Variants in TENM2 observed in about 807,000 individuals in gnomAD.
TENM2 encodes teneurin-2.
TENM2 carries 52 observed loss-of-function variants against 245.2 expected under a neutral mutation model. The observed-to-expected ratio is 0.21, with a 90% confidence interval of 0.17 to 0.27. TENM2 has a LOEUF of 0.27. TENM2 is among the 10% of genes least tolerant of loss of function. The pLI, the probability that TENM2 is intolerant of heterozygous loss-of-function variation, is 1.00. For missense variants in TENM2, 3,046 were observed against 3,666.8 expected (o/e 0.83, Z 4.37); for synonymous variants, 1,363 against 1,438.9 (o/e 0.95, Z 1.19).
At chr5:168,226,203 G>T in exon 24 of TENM2, 3 of 1,613,576 alleles carry the variant, frequency 1.9e-6, no homozygotes, top group Non-Finnish European at 2.5e-6. Context: ...CAACCGTGAT[G>T]ATGACGTCAC....
intron 2 of TENM2, among the ~76,000 whole-genome samples, chr5:167,634,960 T>G (rs186850724): frequency 6.6e-6 from 1 of 152,248 alleles, no homozygotes; most frequent in East Asian, 1.9e-4. Flanking sequence ...ATGGTTAAGT[T>G]TTTGGTAGAT....
rs557581313 is a variant in TENM2 at position 168,068,586 on chromosome 5, A to G, written c.1515+6321A>G. Among the ~76,000 whole-genome samples, 7 of 152,124 alleles carry G rather than the reference A, an allele frequency of 4.6e-5. No homozygotes were observed. In the South Asian group the frequency reaches 1.5e-3, roughly 32 times the overall value. ...TATGTGTGGATATATATCCAGAGGGAGAGAGAGAGACTAAACCCATGAGAG... is the reference window on the plus strand; with the variant it reads ...TATGTGTGGATATATATCCAGAGGGGGAGAGAGAGACTAAACCCATGAGAG... On this transcript the variant is annotated intron_variant, in intron 7 of 28. Transcript: ENST00000518659.
intron 2 of TENM2, among the ~76,000 whole-genome samples, chr5:167,416,218 T>A (rs1040452428): frequency 2.0e-5 from 3 of 152,192 alleles, no homozygotes; most frequent in African/African-American, 7.2e-5. Context: ...GATGCCTTTA[T>A]TGTAACAGTG....
At chr5:167,182,027 A>T in the TENM2 span, among the ~76,000 whole-genome samples, 1 of 152,208 alleles carries the variant, frequency 6.6e-6, no homozygotes, top group South Asian at 2.1e-4. Flanking sequence ...TGAAAGTTAA[A>T]TTAGGAAAGA....
chr5:167,078,277 A>G, the TENM2 span, among the ~76,000 whole-genome samples: 12 of 152,028 alleles, frequency 7.9e-5, no homozygotes, highest in African/African-American at 2.4e-4. Flanking sequence ...TGAGGTTGGG[A>G]GTTCGAGACC....
At chr5:167,806,298 C>T (rs576884512) in intron 2 of TENM2, among the ~76,000 whole-genome samples, 133 of 152,148 alleles carry the variant, frequency 8.7e-4, no homozygotes, top group African/African-American at 3.2e-3. Flanking sequence ...ATACTAAGCC[C>T]TTTCACATAT....
chr5:167,440,697 C>G (rs1333380123), intron 2 of TENM2, among the ~76,000 whole-genome samples: 1 of 152,128 alleles, frequency 6.6e-6, no homozygotes, highest in African/African-American at 2.4e-5. Flanking sequence ...CTTATGTCTT[C>G]TATCTTCCCA....
At chr5:167,398,357 C>G (rs1762173453) in intron 2 of TENM2, among the ~76,000 whole-genome samples, 1 of 150,458 alleles carries the variant, frequency 6.6e-6, no homozygotes, top group African/African-American at 2.4e-5. Context: ...TTCCTTCTTT[C>G]TTTCTTTCCT....
chr5:167,188,099 A>G, the TENM2 span, among the ~76,000 whole-genome samples: 1 of 152,122 alleles, frequency 6.6e-6, no homozygotes, highest in Non-Finnish European at 1.5e-5. Flanking sequence ...TATTCATCCC[A>G]GCTCTAAGAA....
intron 2 of TENM2, among the ~76,000 whole-genome samples, chr5:167,707,124 T>A (rs1331562048): frequency 3.3e-5 from 5 of 151,914 alleles, no homozygotes; most frequent in Non-Finnish European, 7.4e-5. Flanking sequence ...GTAGGTGATA[T>A]CTCAGTGTGG....
chr5:167,417,741 A>G (rs1763248244), intron 2 of TENM2, among the ~76,000 whole-genome samples: 1 of 151,834 alleles, frequency 6.6e-6, no homozygotes, highest in Non-Finnish European at 1.5e-5. Flanking sequence ...AGGAAGAGCC[A>G]GGGCCCAAAA....
At chr5:168,070,819 G>GAA (rs767578367) in intron 7 of TENM2, among the ~76,000 whole-genome samples, 27 of 111,566 alleles carry the variant, frequency 2.4e-4, no homozygotes, top group East Asian at 1.9e-3. Flanking sequence ...GAGAGAGAGA[G>GAA]AAAAAAAGAA....
At chr5:167,117,977 A>C in the TENM2 span, among the ~76,000 whole-genome samples, 1 of 152,200 alleles carries the variant, frequency 6.6e-6, no homozygotes, top group Admixed American at 6.5e-5. Context: ...GGGCAAAGGA[A>C]ACACCGCAGT....
the TENM2 span, among the ~76,000 whole-genome samples, chr5:167,182,514 G>A: frequency 1.3e-5 from 2 of 152,048 alleles, no homozygotes; most frequent in African/African-American, 4.8e-5. Flanking sequence ...AGGCTTTAGA[G>A]TTCTTTCTAA....
At chr5:167,449,827 G>C (rs541767170) in intron 2 of TENM2, among the ~76,000 whole-genome samples, 2 of 152,056 alleles carry the variant, frequency 1.3e-5, no homozygotes, top group African/African-American at 2.4e-5. Flanking sequence ...GCATAGTGGC[G>C]CGTACCTTTA....
Position 167,321,782 on chromosome 5 carries a change from C to CTTTTTTTTTTTTT in TENM2, c.226+36721_226+36722insTTTTTTTTTTTTT, listed in dbSNP as rs1191717159. 1.0e-4 allele frequency among the ~76,000 whole-genome samples: 6 copies of CTTTTTTTTTTTTT among 59,756 alleles called. 1 individual carries two copies. Among genetic ancestry groups the CTTTTTTTTTTTTT allele is most frequent in the Non-Finnish European group, 3.1e-5 (1 of 32,428 alleles). The allele number at this position is 59,756 out of a possible 152,430, so 39.2% of individuals were successfully genotyped here. On this transcript the variant is annotated intron_variant, in intron 1 of 28. Transcript: ENST00000518659. ...TGAATCTGTTGTCTTGCTGCCTTGGCTTATTTTTTTTTTTTTTTTGGGGGG... is the reference window on the plus strand; with the variant it reads ...TGAATCTGTTGTCTTGCTGCCTTGGCTTTTTTTTTTTTTTTATTTTTTTTTTTTTTTTGGGGGG...
At chr5:167,889,144 A>G (rs941133889) in intron 3 of TENM2, among the ~76,000 whole-genome samples, 1 of 152,186 alleles carries the variant, frequency 6.6e-6, no homozygotes, top group African/African-American at 2.4e-5. Context: ...ATGATAGAGC[A>G]CCTTTTTAAC....
intron 1 of TENM2, among the ~76,000 whole-genome samples, chr5:167,362,868 CAAT>C (rs1759797340): frequency 2.6e-5 from 4 of 152,026 alleles, no homozygotes; most frequent in East Asian, 3.9e-4. Context: ...ATTAAGAGTA[CAAT>C]AATAATAATA....
chr5:167,549,238 T>C (rs1209881584), intron 2 of TENM2, among the ~76,000 whole-genome samples: 1 of 152,180 alleles, frequency 6.6e-6, no homozygotes, highest in Non-Finnish European at 1.5e-5. Flanking sequence ...TTTGTTTTAT[T>C]TTATGTGAAA....
Sources: gnomAD v4.1 joint callset for allele counts (sites outside exome capture counted in the v4.1 genomes callset) on GRCh38, gnomAD v4.1.1 for gene constraint, MANE v1.5 for transcripts, NCBI Gene and HGNC (gene_info 2026-07-23, HGNC 2026-07-21) for gene names.